Variants in BAP1 observed in about 807,000 individuals in gnomAD.
BAP1 encodes the protein BRCA1 associated deubiquitinase 1, also known as ubiquitin carboxyl-terminal hydrolase BAP1.
Under a neutral mutation model 77.2 loss-of-function variants are expected in BAP1, and 16 were observed. The ratio of observed to expected loss-of-function variants is 0.21; its 90% CI spans 0.14 to 0.31. The LOEUF is 0.31. Among genes scored for constraint, BAP1 ranks in the 10% least tolerant of loss-of-function variants. The pLI is 1.00. For synonymous variants in BAP1, 362 were observed against 385.2 expected, an observed-to-expected ratio of 0.94 and a Z score of 0.71; for missense variants, 699 against 967.3, an observed-to-expected ratio of 0.72 and a Z score of 3.68.
chr3:52,402,188 G>A lies in BAP1; in HGVS notation c.*100C>T. 16 of 1,523,258 alleles carry A rather than the reference G, an allele frequency of 1.1e-5. No homozygotes were observed. In the South Asian group the frequency reaches 1.9e-4, roughly 18 times the overall value. 94.4% of individuals were successfully genotyped at this position (1,523,258 alleles called of 1,614,324 possible). ...CCCAGGGCCTGGACTCTCCAGCTGGGACTATTCAGTAATACTGGGAAAAGG... is the reference window on the plus strand; with the variant it reads ...CCCAGGGCCTGGACTCTCCAGCTGGAACTATTCAGTAATACTGGGAAAAGG... On this transcript the variant is annotated 3_prime_UTR_variant, in exon 17 of 17. Transcript: ENST00000460680. The surrounding 1 kb of genome is among the most constrained non-coding windows in gnomAD (Gnocchi z 5.3).
At chr3:52,405,489 G>GAA in intron 10 of BAP1, 195 bp from the exon 11 acceptor site, 1 of 56,718 alleles carries the variant, frequency 1.8e-5, no homozygotes. Flanking sequence ...AAAGAAGCAG[G>GAA]AAGAAAAAAA....
rs200787553 is a variant in BAP1, at chr3:52,405,817, C to T, written c.879G>A (p.Pro293=). The T allele has an allele frequency of 2.2e-4, 360 of 1,613,974 alleles. No individual in the cohort carries two copies. The highest frequency in any genetic ancestry group is 2.8e-4 in the Non-Finnish European group (336 of 1,180,044). The part of the protein sequence containing the change: ...EESKSASNKS[P]LVLEANRAPA... ...GGGCCCTGTTTGCTTCCAGCACCAG[C>T]GGGGACTTGTTGCTGGCTGACTTGG... The change falls in exon 10 of 17, where the codon CCG becomes CCA. Residue 293 remains proline, a synonymous_variant. Coordinates refer to ENST00000460680, the MANE Select transcript of BAP1 (RefSeq NM_004656.4).
intron 7 of BAP1, 115 bp downstream of exon 7, chr3:52,407,059 G>C (rs1398965014): frequency 6.4e-7 from 1 of 1,558,316 alleles, no homozygotes; most frequent in East Asian, 2.3e-5. Flanking sequence ...GCCAGAGCCG[G>C]GTGTCGGTAC....
intron 3 of BAP1, 90 bp from the exon 4 acceptor site, chr3:52,408,696 G>A (rs1468223865): frequency 2.8e-6 from 4 of 1,451,152 alleles, no homozygotes; most frequent in South Asian, 1.3e-5. Context: ...TTTGCACTGC[G>A]TCATCACTCA....
Position 52,407,992 on chromosome 3 carries a change from C to A in BAP1, c.341G>T (p.Arg114Leu), listed in dbSNP as rs773494626. The A allele has an allele frequency of 6.2e-7, 1 of 1,613,914 alleles. No individual in the cohort carries two copies. Among genetic ancestry groups the A allele is most frequent in the Non-Finnish European group, 8.5e-7 (1 of 1,179,962 alleles). ...SSVDLGPTLS[R>L]MKDFTKGFSP... The stretch of plus-strand genomic sequence containing the variant: ...GAAACCCTTGGTGAAGTCCTTCATG[C>A]GACTCAGGGTGGGTCCCAGGTCCAC... The change falls in exon 5 of 17, where the codon CGC becomes CTC. Residue 114 changes from arginine to leucine, a missense_variant. Arg to Leu is a moderately radical substitution (Grantham distance 102). Transcript: ENST00000460680.
chr3:52,408,413 C>G (rs755138506), intron 4 of BAP1, 61 bp downstream of exon 4: 310 of 1,589,962 alleles, frequency 1.9e-4, no homozygotes, highest in Non-Finnish European at 2.5e-4. Flanking sequence ...TCCATTTCCA[C>G]TTCCCAAGCA....
rs1404271823 is a variant in BAP1 at position 52,403,368 on chromosome 3, C to T, written c.1729+48G>A. On this transcript the variant is annotated intron_variant, in intron 13 of 16. Transcript: ENST00000460680. The surrounding 1 kb of genome is among the most constrained non-coding windows in gnomAD (Gnocchi z 4.0). ...TTGTGGTCACTTGGCCACTTCCCTC[C>T]TCCCTCCTGGGTGCACCAAGTGGCC... 1 of 1,612,004 alleles carries T rather than the reference C, an allele frequency of 6.2e-7. No homozygotes were observed. The highest frequency in any genetic ancestry group is 8.5e-7 in the Non-Finnish European group (1 of 1,179,208).
chr3:52,403,385 C>T lies in BAP1; in HGVS notation c.1729+31G>A. ...CTTCCCTCCTCCCTCCTGGGTGCAC[C>T]AAGTGGCCAGTGAGCCAGTCCAAGG... On this transcript the variant is annotated intron_variant, in intron 13 of 16. Transcript: ENST00000460680. This position sits in a 1 kb window ranked among gnomAD's most constrained non-coding sequence, Gnocchi z 4.0. 6.2e-7 allele frequency: 1 copy of T among 1,612,538 alleles called. No individual in the cohort carries two copies. The highest frequency in any genetic ancestry group is 1.3e-5 in the African/African-American group (1 of 75,030).
intron 7 of BAP1, 103 bp downstream of exon 7, chr3:52,407,071 G>A (rs960730037): frequency 6.2e-5 from 98 of 1,582,452 alleles, no homozygotes; most frequent in Non-Finnish European, 7.8e-5. Flanking sequence ...TGTCGGTACC[G>A]ACAACCCCTG....
rs748928044 is a variant in BAP1, at chr3:52,404,487, C to T, written c.1216G>A (p.Glu406Lys). The change falls in exon 12 of 17, where the codon GAG (glutamate) becomes AAG (lysine). Residue 406 changes from glutamate to lysine, a missense_variant. Glu to Lys is a moderately conservative substitution (Grantham distance 56). Coordinates refer to ENST00000460680, the MANE Select transcript of BAP1 (RefSeq NM_004656.4). ...DDEDDYEDDE[E>K]DDVQNTNSAL... ...GAGTTGGTGTTCTGCACGTCATCCT[C>T]CTCGTCATCCTCATAGTCATCCTCA... 233 of 1,614,096 alleles carry T rather than the reference C, an allele frequency of 1.4e-4. No homozygotes were observed. The highest frequency in any genetic ancestry group is 1.9e-4 in the Non-Finnish European group (228 of 1,180,060).
chr3:52,404,694 C>T lies in BAP1; in HGVS notation c.1117-108G>A, dbSNP rs1011952303. 5.4e-6 allele frequency: 8 copies of T among 1,481,816 alleles called. No individual in the cohort carries two copies. In the South Asian group the frequency reaches 7.3e-5, roughly 14 times the overall value. 91.8% of individuals were successfully genotyped at this position (1,481,816 alleles called of 1,614,324 possible). A position where few individuals can be genotyped will look rare whatever the true frequency, so the allele number is the denominator to read the frequency against. ...AACATGGTTTTCCAGACTGAGTCAG[C>T]GGAACCCCTCCAGCTGTTCCATGGC... On this transcript the variant is annotated intron_variant, in intron 11 of 16. Coordinates refer to ENST00000460680, the MANE Select transcript of BAP1 (RefSeq NM_004656.4).
rs781013694 is a variant in BAP1 at position 52,403,811 on chromosome 3, A to G, written c.1334T>C (p.Ile445Thr). ...TTTGAGCTTCTCAGCCAAGACGTTG[A>G]TGGTGTTGGGCTGCAGCACTGACAG... is the stretch of plus-strand genomic sequence containing the variant. ...GQLSVLQPNT[I>T]NVLAEKLKES... is the part of the protein sequence containing the mutation. Residue 445 changes from isoleucine to threonine, a missense_variant, in exon 13 of 17, where the codon ATC becomes ACC. Coordinates refer to ENST00000460680, the MANE Select transcript of BAP1 (RefSeq NM_004656.4). This position sits in a 1 kb window ranked among gnomAD's most constrained non-coding sequence, Gnocchi z 4.0. 8.7e-6 allele frequency: 14 copies of G among 1,613,942 alleles called. No individual in the cohort carries two copies. The highest frequency in any genetic ancestry group is 2.5e-6 in the Non-Finnish European group (3 of 1,180,032).
Position 52,401,426 on chromosome 3 carries a change from G to C in BAP1, c.*862C>G. The C allele has an allele frequency of 4.3e-6, 1 of 233,680 alleles. No individual in the cohort carries two copies. Among genetic ancestry groups the C allele is most frequent in the Non-Finnish European group, 8.5e-6 (1 of 118,032 alleles). 14.5% of individuals were successfully genotyped at this position (233,680 alleles called of 1,614,324 possible). A position where few individuals can be genotyped will look rare whatever the true frequency, so the allele number is the denominator to read the frequency against. On this transcript the variant is annotated 3_prime_UTR_variant, in exon 17 of 17. Coordinates refer to ENST00000460680, the MANE Select transcript of BAP1 (RefSeq NM_004656.4). ...CCTGAGAGGGAGACATGGTAATACT[G>C]AGGGGCTGGACAGAGGCTCTTCTGA... is the stretch of plus-strand genomic sequence containing the variant.
rs1332735229 is a variant in BAP1, at chr3:52,405,196, T to C, written c.1030A>G (p.Asn344Asp). Residue 344 changes from asparagine to aspartate, a missense_variant, in exon 11 of 17, where the codon AAT becomes GAT. By Grantham distance (23) the Asn-to-Asp change is conservative. Transcript: ENST00000460680. The part of the protein sequence containing the change: ...LVVKPPGSSL[N>D]GVHPNPTPIV... ...GGAGTGGGGTTGGGGTGAACCCCAT[T>C]GAGGCTGCTGCCTGGAGGCTTCACC... The C allele has an allele frequency of 6.2e-7, 1 of 1,614,078 alleles. No individual in the cohort carries two copies. The highest frequency in any genetic ancestry group is 8.5e-7 in the Non-Finnish European group (1 of 1,180,018).
chr3:52,409,886 C>A lies in BAP1; in HGVS notation c.-8G>T. The stretch of plus-strand genomic sequence containing the variant: ...CAGCCAGCCCTTATTCATCTTCCCG[C>A]GGGGCGGCCCCTCAGCGCCATGTCC... On this transcript the variant is annotated 5_prime_UTR_variant, in exon 1 of 17. Coordinates refer to ENST00000460680, the MANE Select transcript of BAP1 (RefSeq NM_004656.4). 1 of 1,606,680 alleles carries A rather than the reference C, an allele frequency of 6.2e-7. No homozygotes were observed. Among genetic ancestry groups the A allele is most frequent in the Non-Finnish European group, 8.5e-7 (1 of 1,179,870 alleles).
At position 52,407,223 on chromosome 3, in the gene BAP1, T is replaced by G. The variant is rs751919580; in HGVS notation, c.531A>C (p.Thr177=). Reference sequence around the variant, plus strand: ...GCCCATCCAGCTCAAAGAGCCGGCCTGTGATAGGCACATAGCTGACAAAGT... The same window carrying G: ...GCCCATCCAGCTCAAAGAGCCGGCCGGTGATAGGCACATAGCTGACAAAGT... ...AFHFVSYVPI[T]GRLFELDGLK... The change falls in exon 7 of 17, where the codon ACA becomes ACC. Residue 177 remains threonine (T), a synonymous_variant. Coordinates refer to ENST00000460680, the MANE Select transcript of BAP1 (RefSeq NM_004656.4). 2.5e-6 allele frequency: 4 copies of G among 1,614,154 alleles called. No individual in the cohort carries two copies. In the South Asian group the frequency reaches 4.4e-5, roughly 18 times the overall value.
chr3:52,407,818 G>A (rs1705213423), intron 5 of BAP1, 140 bp downstream of exon 5: 1 of 1,374,702 alleles, frequency 7.3e-7, no homozygotes, highest in Non-Finnish European at 1.0e-6. Flanking sequence ...ATTTATTTAA[G>A]AGTCAAATGT....
In BAP1 at chr3:52,403,005, A is replaced by T. The variant is rs749364986; in HGVS notation, c.1890+133T>A. The T allele has an allele frequency of 5.0e-6, 8 of 1,596,676 alleles. No homozygotes were observed. Among genetic ancestry groups the T allele is most frequent in the Non-Finnish European group, 6.8e-6 (8 of 1,176,166 alleles). ...GCCCCTGCCACCACCCAACCCAGAA[A>T]GTCTTCTGGCACATGGCTCCAGCCA... On this transcript the variant is annotated intron_variant, in intron 14 of 16. Transcript: ENST00000460680. This position sits in a 1 kb window ranked among gnomAD's most constrained non-coding sequence, Gnocchi z 4.0.
In BAP1 at chr3:52,406,577, TG is replaced by T; in HGVS notation, c.660-202del. On this transcript the variant is annotated intron_variant, in intron 8 of 16. Transcript: ENST00000460680. The surrounding 1 kb of genome is among the most constrained non-coding windows in gnomAD (Gnocchi z 4.6). ...CAACAAGCTGTATGAGGGGCCTATC[TG>T]GAAGTGAACCAGCAGACCTGGGCTG... 1.1e-6 allele frequency: 1 copy of T among 939,050 alleles called. No individual in the cohort carries two copies. The highest frequency in any genetic ancestry group is 1.6e-6 in the Non-Finnish European group (1 of 619,014). The allele number at this position is 939,050 out of a possible 1,614,324, so 58.2% of individuals were successfully genotyped here.
Sources: allele counts gnomAD v4.1 joint callset, GRCh38; gene constraint gnomAD v4.1.1; non-coding constraint Gnocchi (gnomAD v3.1); transcripts MANE v1.5; gene names NCBI Gene and HGNC (gene_info 2026-07-23, HGNC 2026-07-21).